Variants in NYAP2 observed in about 807,000 individuals in gnomAD.
NYAP2 encodes the protein neuronal tyrosine-phosphorylated phosphoinositide-3-kinase adapter 2.
NYAP2 carries 23 observed loss-of-function variants against 50.4 expected under a neutral mutation model. The observed-to-expected ratio is 0.46, with a 90% CI of 0.33 to 0.65. NYAP2 has a LOEUF of 0.65. NYAP2 is among the 30% of genes least tolerant of loss of function. The probability of loss-of-function intolerance (pLI) is 0.02; values close to 1 mark genes in which losing one functional copy is unlikely to be tolerated. For synonymous variants in NYAP2, 394 were observed against 365.2 expected (o/e 1.08, Z -0.90); for missense variants, 885 against 861.0 (o/e 1.03, Z -0.35).
chr2:225,645,884 G>A (rs374036132), intron 6 of NYAP2, among the ~76,000 whole-genome samples: 8 of 152,248 alleles, frequency 5.3e-5, no homozygotes, highest in African/African-American at 1.9e-4. Flanking sequence ...GCCAAACATT[G>A]CATTTAGATG....
At chr2:225,518,756 C>T (rs1690988915) in intron 4 of NYAP2, among the ~76,000 whole-genome samples, 1 of 151,512 alleles carries the variant, frequency 6.6e-6, no homozygotes, top group African/African-American at 2.4e-5. Context: ...TGGTGGCTTA[C>T]ACCTATAATC....
At chr2:225,528,323 T>C (rs935777403) in intron 4 of NYAP2, among the ~76,000 whole-genome samples, 1 of 152,202 alleles carries the variant, frequency 6.6e-6, no homozygotes, top group Non-Finnish European at 1.5e-5. Context: ...TCTAAATACT[T>C]GGCAAATAAA....
intron 4 of NYAP2, among the ~76,000 whole-genome samples, chr2:225,562,507 G>A (rs1294098798): frequency 1.3e-5 from 2 of 152,058 alleles, no homozygotes; most frequent in Non-Finnish European, 2.9e-5. Flanking sequence ...TTAGGACATG[G>A]GTTTGATTGC....
chr2:225,597,091 G>T (rs372399414), intron 5 of NYAP2, among the ~76,000 whole-genome samples: 238 of 152,204 alleles, frequency 1.6e-3, no homozygotes, highest in African/African-American at 5.6e-3. Context: ...AAACACAGGA[G>T]TCTAATGTCC....
chr2:225,641,556 C>T (rs1054701133), intron 6 of NYAP2, among the ~76,000 whole-genome samples: 3 of 151,712 alleles, frequency 2.0e-5, no homozygotes, highest in Non-Finnish European at 2.9e-5. Flanking sequence ...GGCTCACGTC[C>T]GTTATCCCAG....
rs115152759 is a variant in NYAP2 at position 225,605,608 on chromosome 2, A to T, written c.1619-21309A>T. Among the ~76,000 whole-genome samples the T allele has an allele frequency of 5.5e-3, 834 of 152,186 alleles. 9 individuals are homozygous for T. The highest frequency in any genetic ancestry group is 0.018 in the African/African-American group (757 of 41,546). ...TGGTTGTGGTTGTGCTTGTTCTTAG[A>T]TTTGGCAGCCAAGTTTTTCCTTATT... On this transcript the variant is annotated intron_variant, in intron 5 of 6. Transcript: ENST00000636099.
intron 4 of NYAP2, among the ~76,000 whole-genome samples, chr2:225,554,207 G>GTT (rs1203110757): frequency 9.6e-4 from 106 of 109,884 alleles, no homozygotes; most frequent in Middle Eastern, 4.5e-3. Context: ...TATTGTTGTT[G>GTT]TTTTTTTTTT....
At chr2:225,592,970 C>T (rs1312945665) in intron 5 of NYAP2, among the ~76,000 whole-genome samples, 3 of 152,174 alleles carry the variant, frequency 2.0e-5, no homozygotes, top group Admixed American at 6.5e-5. Flanking sequence ...AACCAAGATT[C>T]CCTCAGTAGT....
intron 3 of NYAP2, among the ~76,000 whole-genome samples, chr2:225,418,004 GA>G (rs11447656): frequency 4.0e-4 from 60 of 150,490 alleles, no homozygotes; most frequent in African/African-American, 1.3e-3. Context: ...CAAATTCTGT[GA>G]AAAAAAAATA....
intron 4 of NYAP2, among the ~76,000 whole-genome samples, chr2:225,569,101 G>C (rs1692018339): frequency 1.3e-5 from 2 of 152,166 alleles, no homozygotes; most frequent in African/African-American, 4.8e-5. Context: ...ATAATTTTTA[G>C]TGGGGAAATG....
intron 4 of NYAP2, among the ~76,000 whole-genome samples, chr2:225,568,893 A>G (rs1295243800): frequency 6.6e-6 from 1 of 152,122 alleles, no homozygotes; most frequent in East Asian, 1.9e-4. Context: ...TCCCCCTTAT[A>G]CTCTGAAGGT....
the NYAP2 span, among the ~76,000 whole-genome samples, chr2:225,680,164 A>G: frequency 4.6e-5 from 7 of 152,218 alleles, no homozygotes; most frequent in African/African-American, 1.4e-4. Context: ...GCTCCAAGGC[A>G]TCAAGTCAAA....
chr2:225,642,885 T>C (rs1490308023), intron 6 of NYAP2, among the ~76,000 whole-genome samples: 1 of 152,196 alleles, frequency 6.6e-6, no homozygotes, highest in African/African-American at 2.4e-5. Context: ...TATGGGTGTT[T>C]AAAAACTATT....
chr2:225,669,585 G>A, the NYAP2 span, among the ~76,000 whole-genome samples: 1 of 152,070 alleles, frequency 6.6e-6, no homozygotes, highest in Non-Finnish European at 1.5e-5. Context: ...ACACAGTATT[G>A]TAATGTCAAC....
intron 3 of NYAP2, among the ~76,000 whole-genome samples, chr2:225,446,282 G>A (rs1282720067): frequency 1.5e-4 from 19 of 129,432 alleles, no homozygotes; most frequent in South Asian, 2.6e-4. Context: ...ATATATATAT[G>A]TGGAATTAGG....
chr2:225,636,195 C>T (rs16866679), intron 6 of NYAP2, among the ~76,000 whole-genome samples: 27,382 of 152,118 alleles, frequency 0.18, 2,851 homozygotes, highest in East Asian at 0.42. Context: ...AACAAGCTTC[C>T]TGGAGAATGT....
the NYAP2 span, among the ~76,000 whole-genome samples, chr2:225,661,504 T>G: frequency 1.2e-4 from 19 of 152,188 alleles, no homozygotes; most frequent in African/African-American, 4.3e-4. Flanking sequence ...TGCTGTATTA[T>G]CTAATGTTGT....
chr2:225,496,039 T>C (rs890868566), intron 3 of NYAP2, among the ~76,000 whole-genome samples: 2 of 152,176 alleles, frequency 1.3e-5, no homozygotes, highest in South Asian at 2.1e-4. Flanking sequence ...GTGGTAGAGA[T>C]GATTGATCAC....
At chr2:225,606,606 C>T (rs1205207182) in intron 5 of NYAP2, among the ~76,000 whole-genome samples, 1 of 152,028 alleles carries the variant, frequency 6.6e-6, no homozygotes, top group African/African-American at 2.4e-5. Context: ...TCTGACATCA[C>T]CACTTAAAAA....
Sources: allele counts gnomAD v4.1 joint callset (sites outside exome capture counted in the v4.1 genomes callset), GRCh38; gene constraint gnomAD v4.1.1; transcripts MANE v1.5; gene names NCBI Gene and HGNC (gene_info 2026-07-23, HGNC 2026-07-21).